FDCSP: variants seen among roughly 807,000 people sequenced by gnomAD.
FDCSP encodes follicular dendritic cell secreted peptide.
A neutral mutation model predicts 8.9 loss-of-function variants in FDCSP; 8 were observed. The ratio of observed to expected loss-of-function variants is 0.90; its 90% CI spans 0.53 to 1.63. FDCSP has a LOEUF of 1.63. FDCSP is among the 40% of genes most tolerant of loss of function. The pLI is 0.00. For missense variants in FDCSP, 101 were observed against 103.6 expected, an observed-to-expected ratio of 0.98 and a Z score of 0.11; for synonymous variants, 34 against 34.5, an observed-to-expected ratio of 0.98 and a Z score of 0.06.
At chr4:70,232,522 T>C (rs1442968427) in intron 2 of FDCSP, among the ~76,000 whole-genome samples, 1 of 151,630 alleles carries the variant, frequency 6.6e-6, no homozygotes, top group Non-Finnish European at 1.5e-5. Flanking sequence ...GTAAGGACAC[T>C]CTATGATGTT....
chr4:70,230,744 C>G (rs1222083701), intron 1 of FDCSP, among the ~76,000 whole-genome samples: 1 of 151,656 alleles, frequency 6.6e-6, no homozygotes, highest in East Asian at 1.9e-4. Context: ...ATGTTGAACT[C>G]TCTGAGATCA....
intron 2 of FDCSP, 114 bp from the exon 3 acceptor site, chr4:70,232,880 A>T: frequency 1.1e-6 from 1 of 936,814 alleles, no homozygotes; most frequent in Non-Finnish European, 1.6e-6. Context: ...TGGGTATTTT[A>T]AAAAATGGTT....
intron 1 of FDCSP, among the ~76,000 whole-genome samples, chr4:70,227,084 G>A (rs1729999582): frequency 6.6e-6 from 1 of 151,544 alleles, no homozygotes; most frequent in African/African-American, 2.4e-5. Context: ...AGAAATATCT[G>A]TATCCATCTT....
intron 1 of FDCSP, among the ~76,000 whole-genome samples, chr4:70,226,502 A>G (rs1198109719): frequency 6.6e-6 from 1 of 151,758 alleles, no homozygotes; most frequent in East Asian, 1.9e-4. Flanking sequence ...CCTCAGGTTT[A>G]TTTTTAAATT....
chr4:70,228,129 T>A (rs1233630662), intron 1 of FDCSP, among the ~76,000 whole-genome samples: 1 of 151,832 alleles, frequency 6.6e-6, no homozygotes, highest in Non-Finnish European at 1.5e-5. Flanking sequence ...CCACAGTATT[T>A]CTTTCAAAAT....
chr4:70,229,302 T>G (rs549067458), intron 1 of FDCSP, among the ~76,000 whole-genome samples: 36 of 151,918 alleles, frequency 2.4e-4, no homozygotes, highest in African/African-American at 8.2e-4. Flanking sequence ...TAGATTAGGC[T>G]TCTGCTTAAT....
At chr4:70,234,996 AT>A (rs1185979257) in intron 4 of FDCSP, 88 bp from the exon 5 acceptor site, 1 of 151,658 alleles carries the variant, frequency 6.6e-6, no homozygotes, top group East Asian at 1.9e-4. Context: ...TTTTAAGCCA[AT>A]AGTTGTCATT....
intron 1 of FDCSP, among the ~76,000 whole-genome samples, chr4:70,226,618 A>C (rs1255135563): frequency 6.6e-6 from 1 of 151,952 alleles, no homozygotes; most frequent in Non-Finnish European, 1.5e-5. Flanking sequence ...TTTAAAATAT[A>C]TACAGTACTT....
chr4:70,232,472 C>G (rs1404368494), intron 2 of FDCSP, among the ~76,000 whole-genome samples: 1 of 151,580 alleles, frequency 6.6e-6, no homozygotes, highest in Non-Finnish European at 1.5e-5. Flanking sequence ...ACTATACTGT[C>G]TAGCTTAGTT....
intron 1 of FDCSP, among the ~76,000 whole-genome samples, chr4:70,228,758 C>A (rs554062091): frequency 2.8e-4 from 42 of 151,730 alleles, no homozygotes; most frequent in African/African-American, 8.4e-4. Context: ...CTTGGGGGCT[C>A]AGGTACATTT....
chr4:70,227,551 C>T (rs1396187869), intron 1 of FDCSP, among the ~76,000 whole-genome samples: 1 of 149,048 alleles, frequency 6.7e-6, no homozygotes, highest in Non-Finnish European at 1.5e-5. Flanking sequence ...TTGACATTTT[C>T]CCCAATGTAA....
At chr4:70,232,924 G>T in intron 2 of FDCSP, 70 bp from the exon 3 acceptor site, 1 of 1,200,600 alleles carries the variant, frequency 8.3e-7, no homozygotes, top group Non-Finnish European at 1.2e-6. Flanking sequence ...AGATTGTCAT[G>T]CATATGTATA....
chr4:70,232,965 T>C, intron 2 of FDCSP, 29 bp from the exon 3 acceptor site: 1 of 1,573,986 alleles, frequency 6.4e-7, no homozygotes, highest in South Asian at 1.2e-5. Flanking sequence ...TGAGCATGAG[T>C]TTAATTAATT....
rs776085826 is a variant in FDCSP at position 70,232,980 on chromosome 4, T to G, written c.58-14T>G. ...TGAGCATGAGTTTAATTAATTTCAC[T>G]ATTTGATCTTTAGGTCTCTCAAGAC... On this transcript the variant is annotated splice_polypyrimidine_tract_variant and intron_variant, in intron 2 of 4. Transcript: ENST00000317987. 2 of 1,588,508 alleles carry G rather than the reference T, an allele frequency of 1.3e-6. No individual in the cohort carries two copies. The highest frequency in any genetic ancestry group is 1.4e-5 in the African/African-American group (1 of 73,266).
Position 70,227,496 on chromosome 4 carries a change from C to A in FDCSP, c.-1+1314C>A, listed in dbSNP as rs1514397. 5.5e-3 allele frequency among the ~76,000 whole-genome samples: 835 copies of A among 151,698 alleles called. 10 individuals are homozygous for A. The highest frequency in any genetic ancestry group is 0.019 in the African/African-American group (790 of 41,456). Reference sequence around the variant, plus strand: ...AAAGGTGATAAAATTTCCCTAGAATCTCCACTATCTCAAAGGTACTTCAAA... The same window carrying A: ...AAAGGTGATAAAATTTCCCTAGAATATCCACTATCTCAAAGGTACTTCAAA... On this transcript the variant is annotated intron_variant, in intron 1 of 4. Transcript: ENST00000317987.
At chr4:70,233,907 G>A (rs1378824937) in intron 3 of FDCSP, 113 bp from the exon 4 acceptor site, 5 of 928,444 alleles carry the variant, frequency 5.4e-6, no homozygotes, top group South Asian at 1.8e-5. Flanking sequence ...GGATTTTAGA[G>A]CTTCTAAAGC....
chr4:70,227,858 A>G (rs887817077), intron 1 of FDCSP, among the ~76,000 whole-genome samples: 3 of 151,820 alleles, frequency 2.0e-5, no homozygotes, highest in African/African-American at 7.2e-5. Flanking sequence ...CTTAATTAAA[A>G]CATACTTTAT....
At chr4:70,233,640 G>C (rs946034625) in intron 3 of FDCSP, among the ~76,000 whole-genome samples, 3 of 151,652 alleles carry the variant, frequency 2.0e-5, no homozygotes, top group African/African-American at 7.3e-5. Flanking sequence ...AGCAAAAGCA[G>C]GAAGAAGGAA....
At chr4:70,228,191 A>G (rs1439969593) in intron 1 of FDCSP, among the ~76,000 whole-genome samples, 1 of 151,880 alleles carries the variant, frequency 6.6e-6, no homozygotes, top group African/African-American at 2.4e-5. Context: ...AAGTTTATGT[A>G]GTATTTTAAA....
Sources: allele counts gnomAD v4.1 joint callset (sites outside exome capture counted in the v4.1 genomes callset), GRCh38; gene constraint gnomAD v4.1.1; transcripts MANE v1.5; gene names NCBI Gene and HGNC (gene_info 2026-07-23, HGNC 2026-07-21).